The following DNAH14 variants were observed in gnomAD, a reference collection of about 807,000 sequenced individuals.
DNAH14 encodes dynein axonemal heavy chain 14.
Under a neutral mutation model 520.9 loss-of-function variants are expected in DNAH14, and 478 were observed. The observed-to-expected ratio is 0.92, with a 90% confidence interval of 0.85 to 0.99. DNAH14 has a LOEUF of 0.99. Ranked by LOEUF, DNAH14 falls within the 50% of genes least tolerant of loss-of-function variation. DNAH14 has a pLI of 0.00. For missense variants in DNAH14, 4,831 were observed against 5,234.5 expected, an observed-to-expected ratio of 0.92 and a Z score of 2.38; for synonymous variants, 1,581 against 1,757.2, an observed-to-expected ratio of 0.90 and a Z score of 2.51.
chr1:225,368,544 T>C (rs938618275), intron 77 of DNAH14, among the ~76,000 whole-genome samples: 6 of 152,206 alleles, frequency 3.9e-5, no homozygotes, highest in African/African-American at 1.4e-4. Flanking sequence ...TAGAACCTTC[T>C]ATTTGTGCTT....
intron 44 of DNAH14, among the ~76,000 whole-genome samples, chr1:225,254,753 T>C (rs116182302): frequency 0.014 from 2,174 of 152,216 alleles, 45 homozygotes; most frequent in East Asian, 0.049. Flanking sequence ...ATCCCCCAAA[T>C]ATCAAAAGGA....
In DNAH14 at chr1:225,050,390, C is replaced by T; in HGVS notation, c.2079+14C>T. The T allele has an allele frequency of 6.6e-7, 1 of 1,522,118 alleles. No individual in the cohort carries two copies. The highest frequency in any genetic ancestry group is 8.8e-7 in the Non-Finnish European group (1 of 1,138,616). 94.3% of individuals were successfully genotyped at this position (1,522,118 alleles called of 1,614,324 possible). ...TACCAAAATATAGTAAGTTTTAAAA[C>T]AGTTCATTTTAGGAAATGTTTAAGG... is the stretch of plus-strand genomic sequence containing the variant. On this transcript the variant is annotated intron_variant, in intron 16 of 85. Coordinates refer to ENST00000682510, the MANE Select transcript of DNAH14 (RefSeq NM_001367479.1).
rs3075885 is a variant in DNAH14 at position 225,373,172 on chromosome 1, G to GA, written c.12319-1503dup. Among the ~76,000 whole-genome samples, 262 of 135,746 alleles carry GA rather than the reference G, an allele frequency of 1.9e-3. 3 individuals are homozygous for GA. The highest frequency in any genetic ancestry group is 6.3e-3 in the African/African-American group (234 of 37,436). 89.1% of individuals were successfully genotyped at this position (135,746 alleles called of 152,430 possible). A position where few individuals can be genotyped will look rare whatever the true frequency, so the allele number is the denominator to read the frequency against. ...TGTGTATGCTAAACTAGCATTTGTGGAAAAAAAAAAAAAGACAGGAAAACA... is the reference window on the plus strand; with the variant it reads ...TGTGTATGCTAAACTAGCATTTGTGGAAAAAAAAAAAAAAGACAGGAAAACA... On this transcript the variant is annotated intron_variant, in intron 77 of 85. Coordinates refer to ENST00000682510, the MANE Select transcript of DNAH14 (RefSeq NM_001367479.1).
intron 41 of DNAH14, among the ~76,000 whole-genome samples, chr1:225,220,062 G>A (rs1201925290): frequency 6.6e-6 from 1 of 152,130 alleles, no homozygotes; most frequent in Non-Finnish European, 1.5e-5. Flanking sequence ...AAAATCATGT[G>A]ATTATCTCAA....
At position 225,335,506 on chromosome 1, in the gene DNAH14, CAT is replaced by C. The variant is rs1408826544; in HGVS notation, c.10081-1756_10081-1755del. On this transcript the variant is annotated intron_variant, in intron 66 of 85. Coordinates refer to ENST00000682510, the MANE Select transcript of DNAH14 (RefSeq NM_001367479.1). ...ACATATACACGTGTGTACATGTACA[CAT>C]ATACATATGTACATATATACATATG... Among the ~76,000 whole-genome samples, 26 of 48,204 alleles carry C rather than the reference CAT, an allele frequency of 5.4e-4. 9 individuals carry two copies. The highest frequency in any genetic ancestry group is 3.5e-3 in the African/African-American group (23 of 6,566). 31.6% of individuals were successfully genotyped at this position (48,204 alleles called of 152,430 possible).
chr1:225,277,768 A>G (rs1368459748), intron 54 of DNAH14, among the ~76,000 whole-genome samples: 1 of 152,228 alleles, frequency 6.6e-6, no homozygotes, highest in Admixed American at 6.5e-5. Context: ...GTAGCTGTGC[A>G]GATGGATCCT....
At chr1:224,949,456 A>C (rs910521373) in intron 1 of DNAH14, among the ~76,000 whole-genome samples, 1 of 152,150 alleles carries the variant, frequency 6.6e-6, no homozygotes, top group Non-Finnish European at 1.5e-5. Flanking sequence ...AATTATTCTC[A>C]GTCATTATGG....
At chr1:225,129,992 T>A (rs2078213655) in intron 27 of DNAH14, among the ~76,000 whole-genome samples, 1 of 151,828 alleles carries the variant, frequency 6.6e-6, no homozygotes, top group African/African-American at 2.4e-5. Flanking sequence ...AACAACCCCA[T>A]CAAAAAGTGG....
At chr1:224,979,588 C>T (rs532959850) in intron 8 of DNAH14, among the ~76,000 whole-genome samples, 1 of 152,280 alleles carries the variant, frequency 6.6e-6, no homozygotes, top group Admixed American at 6.5e-5. Context: ...TTGAACAAGT[C>T]CTAGTGCTGT....
At chr1:225,304,801 A>C in intron 57 of DNAH14, 107 bp from the exon 58 acceptor site, 1 of 1,072,494 alleles carries the variant, frequency 9.3e-7, no homozygotes, top group Non-Finnish European at 1.3e-6. Context: ...ACATCTCCAC[A>C]TCTCAGAAAT....
chr1:225,279,196 G>A (rs528322970), intron 54 of DNAH14, among the ~76,000 whole-genome samples: 6 of 152,096 alleles, frequency 3.9e-5, no homozygotes, highest in Admixed American at 6.5e-5. Context: ...TAGTAGAGAC[G>A]GGGTTTCACC....
Position 225,335,228 on chromosome 1 carries a change from T to C in DNAH14, c.10080+1722T>C, listed in dbSNP as rs1252209379. ...ACGTACATGTGTGTATATATGCACA[T>C]ATACACATGTGTACATTGTGTGTAT... On this transcript the variant is annotated intron_variant, in intron 66 of 85. Coordinates refer to ENST00000682510, the MANE Select transcript of DNAH14 (RefSeq NM_001367479.1). Among the ~76,000 whole-genome samples, 65 of 134,780 alleles carry C rather than the reference T, an allele frequency of 4.8e-4. 2 individuals carry two copies. The highest frequency in any genetic ancestry group is 1.5e-3 in the African/African-American group (61 of 39,362). 88.4% of individuals were successfully genotyped at this position (134,780 alleles called of 152,430 possible).
At chr1:225,186,930 T>A (rs1188070329) in intron 37 of DNAH14, among the ~76,000 whole-genome samples, 2 of 151,878 alleles carry the variant, frequency 1.3e-5, no homozygotes, top group African/African-American at 4.8e-5. Context: ...ATTATTTTGG[T>A]CATCCTTAGT....
intron 44 of DNAH14, among the ~76,000 whole-genome samples, chr1:225,254,424 C>T (rs1270926099): frequency 6.6e-6 from 1 of 152,158 alleles, no homozygotes; most frequent in South Asian, 2.1e-4. Context: ...CAGGTGAATA[C>T]AGGTGATCCT....
chr1:225,023,637 A>T lies in DNAH14; in HGVS notation c.1130A>T (p.Lys377Ile). Residue 377 changes from lysine to isoleucine, a missense_variant, in exon 11 of 86, where the codon AAA (lysine) becomes ATA (isoleucine). Coordinates refer to ENST00000682510, the MANE Select transcript of DNAH14 (RefSeq NM_001367479.1). ...TAGGTTGCAGAAAAGAATGAAATCAAAGAGTATTTTGAGTCAAAACTCTCT... is the reference window on the plus strand; with the variant it reads ...TAGGTTGCAGAAAAGAATGAAATCATAGAGTATTTTGAGTCAAAACTCTCT... The part of the protein sequence containing the change: ...FLKVAEKNEI[K>I]EYFESKLSED... 2 of 1,532,480 alleles carry T rather than the reference A, an allele frequency of 1.3e-6. No homozygotes were observed. Among genetic ancestry groups the T allele is most frequent in the Non-Finnish European group, 1.8e-6 (2 of 1,135,698 alleles). The allele number at this position is 1,532,480 out of a possible 1,614,324, so 94.9% of individuals were successfully genotyped here.
In DNAH14 at chr1:225,089,728, A is replaced by C. The variant is rs1320398840; in HGVS notation, c.3573+3939A>C. Reference sequence around the variant, plus strand: ...TATTAAACATAAACAGGAAAAACAGAAGATATTCTCAGTACATTTTAAAAA... The same window carrying C: ...TATTAAACATAAACAGGAAAAACAGCAGATATTCTCAGTACATTTTAAAAA... On this transcript the variant is annotated intron_variant, in intron 21 of 85. Coordinates refer to ENST00000682510, the MANE Select transcript of DNAH14 (RefSeq NM_001367479.1). Among the ~76,000 whole-genome samples, 6 of 152,266 alleles carry C rather than the reference A, an allele frequency of 3.9e-5. No individual in the cohort carries two copies. The South Asian group carries it at 6.2e-4, about 16-fold the overall frequency.
chr1:225,083,300 A>G (rs1005106111), intron 20 of DNAH14, among the ~76,000 whole-genome samples: 3 of 89,346 alleles, frequency 3.4e-5, no homozygotes, highest in African/African-American at 8.5e-5. Flanking sequence ...ATGGCTGACA[A>G]CATATAATGT....
At chr1:225,187,657 T>G (rs963103419) in intron 37 of DNAH14, among the ~76,000 whole-genome samples, 1 of 151,958 alleles carries the variant, frequency 6.6e-6, no homozygotes, top group African/African-American at 2.4e-5. Context: ...ACATTTATTA[T>G]TTCCCATTCT....
intron 16 of DNAH14, 61 bp from the exon 17 acceptor site, chr1:225,051,390 A>G: frequency 5.6e-6 from 7 of 1,245,802 alleles, no homozygotes; most frequent in Non-Finnish European, 7.5e-6. Flanking sequence ...TTAGCATGCC[A>G]AACCATTTTT....
Sources: gnomAD v4.1 joint callset for allele counts (sites outside exome capture counted in the v4.1 genomes callset) on GRCh38, gnomAD v4.1.1 for gene constraint, MANE v1.5 for transcripts, NCBI Gene and HGNC (gene_info 2026-07-23, HGNC 2026-07-21) for gene names.